CNTN4: variants seen among roughly 807,000 people sequenced by gnomAD.
CNTN4 encodes the protein contactin 4.
CNTN4 carries 77 observed loss-of-function variants against 122.5 expected under a neutral mutation model. The observed-to-expected ratio is 0.63, with a 90% CI of 0.52 to 0.76. The LOEUF is 0.76. CNTN4 is among the 30% of genes least tolerant of loss of function. CNTN4 has a pLI of 0.00. For synonymous variants in CNTN4, 512 were observed against 447.0 expected, an observed-to-expected ratio of 1.15 and a Z score of -1.83; for missense variants, 1,256 against 1,259.1, an observed-to-expected ratio of 1.00 and a Z score of 0.04.
chr3:2,529,559 A>T (rs989786314), intron 3 of CNTN4, among the ~76,000 whole-genome samples: 15 of 152,184 alleles, frequency 9.9e-5, no homozygotes, highest in African/African-American at 3.6e-4. Flanking sequence ...TAATACATGT[A>T]TTACTTACTA....
intron 7 of CNTN4, among the ~76,000 whole-genome samples, chr3:2,840,509 G>A (rs547377967): frequency 2.9e-4 from 37 of 128,748 alleles, no homozygotes; most frequent in African/African-American, 7.2e-4. Context: ...GACCATCCTG[G>A]CTAACACGGT....
At chr3:2,437,407 G>C (rs1311021785) in intron 3 of CNTN4, among the ~76,000 whole-genome samples, 3 of 152,124 alleles carry the variant, frequency 2.0e-5, no homozygotes, top group African/African-American at 4.8e-5. Context: ...ATGAATGACA[G>C]ATTTTTACTG....
In CNTN4 at chr3:2,925,676, G is replaced by A. The variant is rs1559675434; in HGVS notation, c.1255G>A (p.Val419Ile). Residue 419 changes from valine to isoleucine, a missense_variant, in exon 13 of 25, where the codon GTC becomes ATC. By Grantham distance (29) the Val-to-Ile change is conservative. Coordinates refer to ENST00000418658, the MANE Select transcript of CNTN4 (RefSeq NM_175607.3). ...SRTLLKRVTL[V>I]KVGGEVVIEC... is the part of the protein sequence containing the mutation. ...AACACTCTTGAAAAGAGTAACTCTT[G>A]TCAAAGTGGGAGGTGAAGTTGTCAT... is the stretch of plus-strand genomic sequence containing the variant. The A allele has an allele frequency of 2.5e-6, 4 of 1,613,968 alleles. No homozygotes were observed. The highest frequency in any genetic ancestry group is 3.4e-6 in the Non-Finnish European group (4 of 1,179,824).
intron 3 of CNTN4, among the ~76,000 whole-genome samples, chr3:2,549,233 C>T (rs1159675099): frequency 6.6e-6 from 1 of 152,114 alleles, no homozygotes; most frequent in Non-Finnish European, 1.5e-5. Flanking sequence ...ACTTCCAATA[C>T]CATGTTGAAT....
chr3:2,843,355 T>G lies in CNTN4; in HGVS notation c.455-23397T>G, dbSNP rs940723743. On this transcript the variant is annotated intron_variant, in intron 7 of 24. Coordinates refer to ENST00000418658, the MANE Select transcript of CNTN4 (RefSeq NM_175607.3). ...ACCAACTCTCCCTACCTTCAACCAT[T>G]GCAACCCCAGTCCAAACTCCCATCG... is the stretch of plus-strand genomic sequence containing the variant. Among the ~76,000 whole-genome samples the G allele has an allele frequency of 9.2e-5, 14 of 152,272 alleles. No individual in the cohort carries two copies. The South Asian group carries it at 1.7e-3, about 18-fold the overall frequency.
At chr3:2,236,111 T>C (rs1279627647) in intron 2 of CNTN4, among the ~76,000 whole-genome samples, 1 of 152,190 alleles carries the variant, frequency 6.6e-6, no homozygotes, top group Non-Finnish European at 1.5e-5. Context: ...GTACACATTA[T>C]TATGAAAGCA....
At chr3:2,225,342 CT>C (rs2039239313) in intron 2 of CNTN4, among the ~76,000 whole-genome samples, 1 of 149,722 alleles carries the variant, frequency 6.7e-6, no homozygotes, top group African/African-American at 2.5e-5. Context: ...GTGAAACCCC[CT>C]CTCTACTAAA....
intron 2 of CNTN4, among the ~76,000 whole-genome samples, chr3:2,197,591 C>T (rs1299127474): frequency 6.6e-6 from 1 of 151,964 alleles, no homozygotes; most frequent in Non-Finnish European, 1.5e-5. Context: ...AATATCTCAT[C>T]AATGGTCAGA....
intron 10 of CNTN4, among the ~76,000 whole-genome samples, chr3:2,892,554 C>G (rs959830979): frequency 2.0e-5 from 3 of 152,184 alleles, no homozygotes; most frequent in African/African-American, 7.2e-5. Flanking sequence ...ATTTAATTCA[C>G]TTGGTAATTA....
chr3:2,639,432 A>G (rs2082807379), intron 4 of CNTN4, among the ~76,000 whole-genome samples: 3 of 152,176 alleles, frequency 2.0e-5, no homozygotes, highest in Admixed American at 2.0e-4. Context: ...CACCTTCTTA[A>G]TGAAGCTATT....
intron 2 of CNTN4, among the ~76,000 whole-genome samples, chr3:2,176,242 C>G (rs76511441): frequency 1.3e-5 from 2 of 152,126 alleles, no homozygotes; most frequent in East Asian, 3.9e-4. Context: ...GAGTATTTGT[C>G]AGGGCTTCAC....
At chr3:2,707,532 A>G (rs1226895329) in intron 4 of CNTN4, among the ~76,000 whole-genome samples, 1 of 152,192 alleles carries the variant, frequency 6.6e-6, no homozygotes, top group East Asian at 1.9e-4. Context: ...AAGTCCCCTA[A>G]TATTGCTAAC....
At chr3:2,365,980 G>A (rs1271667981) in intron 3 of CNTN4, among the ~76,000 whole-genome samples, 1 of 152,174 alleles carries the variant, frequency 6.6e-6, no homozygotes, top group African/African-American at 2.4e-5. Context: ...ACTTTGCATT[G>A]TAGACATTTT....
intron 3 of CNTN4, among the ~76,000 whole-genome samples, chr3:2,498,595 C>G (rs2148984108): frequency 6.6e-6 from 1 of 152,186 alleles, no homozygotes; most frequent in African/African-American, 2.4e-5. Context: ...ACCCTCCCAC[C>G]TCAGCCTCCA....
At chr3:2,234,420 A>G (rs943899795) in intron 2 of CNTN4, among the ~76,000 whole-genome samples, 3 of 150,476 alleles carry the variant, frequency 2.0e-5, no homozygotes, top group Non-Finnish European at 4.4e-5. Flanking sequence ...TCTGGCTAAG[A>G]CTTACAAACT....
chr3:2,726,298 A>C (rs1205812630), intron 4 of CNTN4, among the ~76,000 whole-genome samples: 2 of 152,206 alleles, frequency 1.3e-5, no homozygotes, highest in Non-Finnish European at 2.9e-5. Context: ...CAATTTAACC[A>C]AGAAAATGGA....
intron 2 of CNTN4, among the ~76,000 whole-genome samples, chr3:2,212,224 C>G (rs747199730): frequency 2.6e-5 from 4 of 152,086 alleles, no homozygotes; most frequent in Non-Finnish European, 4.4e-5. Flanking sequence ...ATCCTCCTGT[C>G]TCAGCCTCCC....
intron 2 of CNTN4, among the ~76,000 whole-genome samples, chr3:2,162,235 G>A (rs1407858129): frequency 6.6e-6 from 1 of 152,156 alleles, no homozygotes; most frequent in Admixed American, 6.5e-5. Flanking sequence ...TCAACATGAG[G>A]TTTCCATCTG....
At chr3:2,393,681 T>A (rs538718787) in intron 3 of CNTN4, among the ~76,000 whole-genome samples, 1 of 152,148 alleles carries the variant, frequency 6.6e-6, no homozygotes, top group African/African-American at 2.4e-5. Context: ...ATAAATCTTA[T>A]GATGTTTTCA....
Sources: gnomAD v4.1 joint callset for allele counts (sites outside exome capture counted in the v4.1 genomes callset) on GRCh38, gnomAD v4.1.1 for gene constraint, MANE v1.5 for transcripts, NCBI Gene and HGNC (gene_info 2026-07-23, HGNC 2026-07-21) for gene names.